CNGA3: variants seen among roughly 807,000 people sequenced by gnomAD.
The protein encoded by CNGA3 is cyclic nucleotide-gated channel alpha-3.
CNGA3 carries 42 observed loss-of-function variants against 46.6 expected under a neutral mutation model. That is an observed-to-expected ratio of 0.90 (90% confidence interval 0.70 to 1.17). CNGA3 has a LOEUF of 1.17. Ranked by LOEUF, CNGA3 falls within the 50% of genes most tolerant of loss-of-function variation. CNGA3 has a pLI of 0.00. For missense variants in CNGA3, 893 were observed against 890.7 expected, an observed-to-expected ratio of 1.00 and a Z score of -0.03; for synonymous variants, 394 against 369.4, an observed-to-expected ratio of 1.07 and a Z score of -0.76.
intron 5 of CNGA3, among the ~76,000 whole-genome samples, chr2:98,387,527 T>C (rs921260351): frequency 1.3e-5 from 2 of 152,206 alleles, no homozygotes; most frequent in African/African-American, 2.4e-5. Flanking sequence ...TAGATAACTT[T>C]ATAAGAGTTC....
At position 98,389,769 on chromosome 2, in the gene CNGA3, T is replaced by A; in HGVS notation, c.561T>A (p.Ile187=). 1 of 1,612,490 alleles carries A rather than the reference T, an allele frequency of 6.2e-7. No individual in the cohort carries two copies. The highest frequency in any genetic ancestry group is 8.5e-7 in the Non-Finnish European group (1 of 1,179,540). Reference sequence around the variant, plus strand: ...TCTTCTATAACTGGTATCTGCTTATTTGCAGGTAAGCGACAGGGGTGGAAG... The same window carrying A: ...TCTTCTATAACTGGTATCTGCTTATATGCAGGTAAGCGACAGGGGTGGAAG... ...LPVFYNWYLL[I]CRACFDELQS... is the part of the protein sequence containing the mutation. Residue 187 remains isoleucine, a synonymous_variant, in exon 6 of 8, where the codon ATT becomes ATA. Transcript: ENST00000272602.
intron 1 of CNGA3, among the ~76,000 whole-genome samples, chr2:98,355,107 T>C (rs894932144): frequency 3.3e-5 from 5 of 152,208 alleles, no homozygotes; most frequent in African/African-American, 1.2e-4. Context: ...GAGGGAGTAT[T>C]ACATTGATTG....
rs1308149002 is a variant in CNGA3, at chr2:98,397,286, G to A, written c.*31G>A. 6.2e-7 allele frequency: 1 copy of A among 1,608,560 alleles called. No homozygotes were observed. The highest frequency in any genetic ancestry group is 1.3e-5 in the African/African-American group (1 of 74,872). On this transcript the variant is annotated 3_prime_UTR_variant, in exon 8 of 8. Transcript: ENST00000272602. Reference sequence around the variant, plus strand: ...CAGCATCTGTCTCCTGCTTCACAGGGTCGACTGTCAGGGTGACCGTATGTG... The same window carrying A: ...CAGCATCTGTCTCCTGCTTCACAGGATCGACTGTCAGGGTGACCGTATGTG...
rs1369864738 is a variant in CNGA3 at position 98,396,495 on chromosome 2, A to T, written c.1325A>T (p.Asp442Val). 6.2e-7 allele frequency: 1 copy of T among 1,613,890 alleles called. No homozygotes were observed. Among genetic ancestry groups the T allele is most frequent in the Admixed American group, 1.7e-5 (1 of 60,004 alleles). ...GAGACGCGGGTTATCCGGTGGTTTG[A>T]CTACCTGTGGGCCAACAAGAAGACG... ...DLETRVIRWF[D>V]YLWANKKTVD... is the part of the protein sequence containing the mutation. The change falls in exon 8 of 8, where the codon GAC becomes GTC. Residue 442 changes from aspartate to valine, a missense_variant. Physicochemically the swap from Asp to Val is radical, Grantham distance 152. Transcript: ENST00000272602.
chr2:98,347,605 C>G (rs1409667893), intron 1 of CNGA3, among the ~76,000 whole-genome samples: 1 of 152,234 alleles, frequency 6.6e-6, no homozygotes, highest in Non-Finnish European at 1.5e-5. Flanking sequence ...CTGGAGCCGG[C>G]GCCCCGGCCT....
intron 3 of CNGA3, among the ~76,000 whole-genome samples, chr2:98,379,609 G>A (rs1282622805): frequency 6.6e-6 from 1 of 152,172 alleles, no homozygotes; most frequent in Non-Finnish European, 1.5e-5. Context: ...CCCAGGCCTG[G>A]GGAGAAAACT....
intron 3 of CNGA3, chr2:98,378,058 G>A (rs1380142940): frequency 6.4e-7 from 1 of 1,550,502 alleles, no homozygotes; most frequent in East Asian, 2.4e-5. Context: ...ACTTGCTCAG[G>A]TTTGGAAGAA....
At chr2:98,361,704 CTTTTT>C (rs1230449113) in intron 1 of CNGA3, among the ~76,000 whole-genome samples, 2 of 108,912 alleles carry the variant, frequency 1.8e-5, no homozygotes, top group African/African-American at 3.5e-5. Flanking sequence ...CTTTTCTTGA[CTTTTT>C]TTTTTTTTTT....
intron 2 of CNGA3, among the ~76,000 whole-genome samples, chr2:98,370,432 G>A: frequency 6.6e-6 from 1 of 152,222 alleles, no homozygotes; most frequent in Non-Finnish European, 1.5e-5. Context: ...GACTCTTGCT[G>A]TGCACCAGCC....
At chr2:98,371,495 C>A (rs981681130) in intron 2 of CNGA3, among the ~76,000 whole-genome samples, 1 of 152,170 alleles carries the variant, frequency 6.6e-6, no homozygotes, top group African/African-American at 2.4e-5. Context: ...AGCCCTTGAA[C>A]CCCACCTTCT....
chr2:98,353,024 C>G (rs1042163156), intron 1 of CNGA3, among the ~76,000 whole-genome samples: 1 of 152,166 alleles, frequency 6.6e-6, no homozygotes, highest in Non-Finnish European at 1.5e-5. Flanking sequence ...TGACCACAAG[C>G]CTCACCTATA....
At chr2:98,379,021 G>A (rs1168784998) in intron 3 of CNGA3, among the ~76,000 whole-genome samples, 2 of 152,206 alleles carry the variant, frequency 1.3e-5, no homozygotes, top group Non-Finnish European at 2.9e-5. Context: ...GGCCTGAGTG[G>A]CTCTCTGTGC....
At chr2:98,385,605 T>G (rs1378652792) in intron 5 of CNGA3, among the ~76,000 whole-genome samples, 1 of 152,228 alleles carries the variant, frequency 6.6e-6, no homozygotes, top group Non-Finnish European at 1.5e-5. Context: ...ATATACTTGT[T>G]AAGAGCATCT....
chr2:98,367,167 G>GTTTATTTTCTTTTTGTTTTTTTT (rs751611132), intron 1 of CNGA3, among the ~76,000 whole-genome samples: 1 of 101,588 alleles, frequency 9.8e-6, no homozygotes, highest in Non-Finnish European at 2.2e-5. Context: ...GACATCAGCT[G>GTTTATTTTCTTTTTGTTTTTTTT]TTTTTTTTCT....
At chr2:98,347,712 C>G (rs868527692) in intron 1 of CNGA3, among the ~76,000 whole-genome samples, 274 of 152,320 alleles carry the variant, frequency 1.8e-3, no homozygotes, top group African/African-American at 5.8e-3. Context: ...GCCCGGCACC[C>G]CGACGGCAGA....
At position 98,380,257 on chromosome 2, in the gene CNGA3, G is replaced by C; in HGVS notation, c.298G>C (p.Asp100His). The change falls in exon 4 of 8, where the codon GAT (aspartate) becomes CAT (histidine). Residue 100 changes from aspartate to histidine, a missense_variant. Around this residue, in one of 3 missense-constraint regions of CNGA3, gnomAD observed 333 missense variants for 290.8 expected, o/e 1.15. Transcript: ENST00000272602. ...GGACCAGGGACCGGACTCTTTTCCT[G>C]ATCGTTTCCGTGGAGCCGAGCTTAA... is the stretch of plus-strand genomic sequence containing the variant. Reference protein sequence around the residue: ...HQDQGPDSFPDRFRGAELKEV... With the variant: ...HQDQGPDSFPHRFRGAELKEV... 2 of 1,614,202 alleles carry C rather than the reference G, an allele frequency of 1.2e-6. No individual in the cohort carries two copies. Among genetic ancestry groups the C allele is most frequent in the Non-Finnish European group, 1.7e-6 (2 of 1,180,034 alleles).
chr2:98,387,681 C>T (rs569982503), intron 5 of CNGA3, among the ~76,000 whole-genome samples: 57 of 152,308 alleles, frequency 3.7e-4, no homozygotes, highest in African/African-American at 1.3e-3. Flanking sequence ...TGTCTGAACT[C>T]GGCCACATTT....
At chr2:98,369,907 G>T in intron 1 of CNGA3, 32 bp from the exon 2 acceptor site, 1 of 1,388,780 alleles carries the variant, frequency 7.2e-7, no homozygotes, top group Non-Finnish European at 1.0e-6. Flanking sequence ...TTCCTGTCCT[G>T]ATGACGTGTC....
chr2:98,390,898 T>A (rs1692770249), intron 6 of CNGA3, among the ~76,000 whole-genome samples: 1 of 152,136 alleles, frequency 6.6e-6, no homozygotes, highest in Non-Finnish European at 1.5e-5. Flanking sequence ...TCTTCTGAGA[T>A]GTGTGGGACT....
Sources: gnomAD v4.1 joint callset for allele counts (sites outside exome capture counted in the v4.1 genomes callset) on GRCh38, gnomAD v4.1.1 for gene constraint, gnomAD v4.1.1 regional missense constraint, MANE v1.5 for transcripts, NCBI Gene and HGNC (gene_info 2026-07-23, HGNC 2026-07-21) for gene names.